SLC27A1: variants seen among roughly 807,000 people sequenced by gnomAD.
The protein encoded by SLC27A1 is solute carrier family 27 member 1.
SLC27A1 carries 61 observed loss-of-function variants against 62.2 expected under a neutral mutation model. The observed-to-expected ratio is 0.98, with a 90% confidence interval of 0.80 to 1.21. The LOEUF (loss-of-function observed/expected upper bound fraction) is 1.21. Among genes scored for constraint, SLC27A1 ranks in the 50% most tolerant of loss-of-function variants. SLC27A1 has a pLI of 0.00. For missense variants in SLC27A1, 903 were observed against 932.1 expected (o/e 0.97, Z 0.41); for synonymous variants, 435 against 408.6 (o/e 1.06, Z -0.78).
chr19:17,482,055 A>G (rs1047496606), intron 1 of SLC27A1, among the ~76,000 whole-genome samples: 1 of 152,058 alleles, frequency 6.6e-6, no homozygotes, highest in African/African-American at 2.4e-5. Flanking sequence ...CTTCGAGATT[A>G]TTTGTAGCAA....
intron 4 of SLC27A1, 49 bp from the exon 5 acceptor site, chr19:17,488,799 G>T: frequency 6.5e-7 from 1 of 1,549,904 alleles, no homozygotes; most frequent in Non-Finnish European, 8.8e-7. Flanking sequence ...TGTACCCTGG[G>T]GGATTTAGGT....
At chr19:17,475,525 ACT>A (rs1002683042) in intron 1 of SLC27A1, among the ~76,000 whole-genome samples, 2 of 151,970 alleles carry the variant, frequency 1.3e-5, no homozygotes, top group Non-Finnish European at 2.9e-5. Flanking sequence ...AGGGAGCAAG[ACT>A]CTGTCTTGAA....
intron 4 of SLC27A1, among the ~76,000 whole-genome samples, chr19:17,487,996 G>A (rs2075255081): frequency 6.6e-6 from 1 of 152,032 alleles, no homozygotes; most frequent in Non-Finnish European, 1.5e-5. Context: ...GCTACAGGAG[G>A]TTTGAAAATC....
intron 2 of SLC27A1, 51 bp downstream of exon 2, chr19:17,487,008 G>T (rs1351341673): frequency 6.5e-7 from 1 of 1,537,564 alleles, no homozygotes; most frequent in East Asian, 2.3e-5. Context: ...ACTGGCCCCT[G>T]GGCGGGCGGG....
upstream of SLC27A1, among the ~76,000 whole-genome samples, chr19:17,469,437 G>C (rs2075051864): frequency 6.6e-6 from 1 of 152,082 alleles, no homozygotes; most frequent in Non-Finnish European, 1.5e-5. Flanking sequence ...CCCCGGGGTA[G>C]AGATCCTGCA....
At chr19:17,482,989 TGAGGGAATGAGTGAAG>T (rs1234212440) in intron 1 of SLC27A1, among the ~76,000 whole-genome samples, 2 of 150,406 alleles carry the variant, frequency 1.3e-5, no homozygotes, top group Non-Finnish European at 2.9e-5. Context: ...AATGAATGAA[TGAGGGAATGAGTGAAG>T]GAGGGAATGA....
intron 1 of SLC27A1, among the ~76,000 whole-genome samples, chr19:17,477,958 C>T: frequency 6.6e-6 from 1 of 152,128 alleles, no homozygotes; most frequent in Non-Finnish European, 1.5e-5. Flanking sequence ...AAATAGTCCC[C>T]CTGTCTTGGC....
chr19:17,485,599 G>A (rs1037210119), intron 1 of SLC27A1, among the ~76,000 whole-genome samples: 5 of 151,886 alleles, frequency 3.3e-5, no homozygotes, highest in African/African-American at 1.2e-4. Context: ...GGAGGCCAGG[G>A]CTGGTGGATT....
rs146832984 is a variant in SLC27A1 at position 17,487,313 on chromosome 19, G to T, written c.702G>T (p.Gln234His). The T allele has an allele frequency of 6.2e-7, 1 of 1,612,432 alleles. No individual in the cohort carries two copies. The highest frequency in any genetic ancestry group is 1.1e-5 in the South Asian group (1 of 90,872). Residue 234 changes from glutamine to histidine, a missense_variant, in exon 3 of 12, where the codon CAG becomes CAT. Gln to His is a conservative substitution (Grantham distance 24, BLOSUM62 0). Transcript: ENST00000252595. ...LKEASTAPLA[Q>H]IPSKGMDDRL... ...AGGCCTCTACTGCCCCCTTGGCACA[G>T]ATCCCCAGCAAGGGCATGGACGGTG...
Position 17,487,232 on chromosome 19 carries a change from C to G in SLC27A1, c.621C>G (p.Asp207Glu). The G allele has an allele frequency of 6.2e-7, 1 of 1,614,116 alleles. No individual in the cohort carries two copies. The highest frequency in any genetic ancestry group is 8.5e-7 in the Non-Finnish European group (1 of 1,179,992). The change falls in exon 3 of 12, where the codon GAC becomes GAG. Residue 207 changes from aspartate to glutamate, a missense_variant. By Grantham distance (45) the Asp-to-Glu change is conservative. Transcript: ENST00000252595. Reference sequence around the variant, plus strand: ...GTTTGATCAAGTTCTGCTCTGGAGACTTGGGGCCCGAGGGCATCTTGCCGG... The same window carrying G: ...GTTTGATCAAGTTCTGCTCTGGAGAGTTGGGGCCCGAGGGCATCTTGCCGG... ...GKSLIKFCSG[D>E]LGPEGILPDT...
In SLC27A1 at chr19:17,493,342, C is replaced by T. The variant is rs576825692; in HGVS notation, c.997-3913C>T. ...ACCCGGGAGGCTGAGGCAGGAGAAT[C>T]GTTTGAACCCGGGAAGTGGAGGTTG... On this transcript the variant is annotated intron_variant, in intron 6 of 11. Transcript: ENST00000252595. 5.0e-4 allele frequency among the ~76,000 whole-genome samples: 69 copies of T among 136,926 alleles called. No individual in the cohort carries two copies. In the South Asian group the frequency reaches 8.1e-3, roughly 16 times the overall value. 89.8% of individuals were successfully genotyped at this position (136,926 alleles called of 152,430 possible). A position where few individuals can be genotyped will look rare whatever the true frequency, so the allele number is the denominator to read the frequency against.
At chr19:17,470,096 G>C (rs893966866), upstream of SLC27A1, among the ~76,000 whole-genome samples, 1 of 152,152 alleles carries the variant, frequency 6.6e-6, no homozygotes, top group Non-Finnish European at 1.5e-5. Flanking sequence ...GGGTAATTCG[G>C]GGATCGAGGA....
Position 17,501,802 on chromosome 19 carries a change from CAA to C in SLC27A1, c.1783+401_1783+402del, listed in dbSNP as rs71162147. Among the ~76,000 whole-genome samples the C allele has an allele frequency of 3.5e-4, 23 of 66,096 alleles. 2 individuals are homozygous for C. Among genetic ancestry groups the C allele is most frequent in the Admixed American group, 3.4e-3 (18 of 5,234 alleles). The allele number at this position is 66,096 out of a possible 152,430, so 43.4% of individuals were successfully genotyped here. On this transcript the variant is annotated intron_variant, in intron 11 of 11. Transcript: ENST00000252595. ...TGGGCGATAGAGTGATACTCTGTCT[CAA>C]AAAAAAAAAAAAAAAAAGAATACCT...
At chr19:17,497,857 T>C in intron 7 of SLC27A1, 2 of 245,960 alleles carry the variant, frequency 8.1e-6, no homozygotes, top group South Asian at 4.0e-5. Flanking sequence ...TCGCCCAGGC[T>C]GGAGTGCAGC....
At chr19:17,474,600 G>A (rs1481118851) in intron 1 of SLC27A1, among the ~76,000 whole-genome samples, 1 of 151,066 alleles carries the variant, frequency 6.6e-6, no homozygotes, top group Non-Finnish European at 1.5e-5. Flanking sequence ...CTCCCTTTGA[G>A]TGTGGGCTGG....
intron 6 of SLC27A1, among the ~76,000 whole-genome samples, chr19:17,494,050 G>A (rs1324847304): frequency 1.3e-4 from 19 of 142,148 alleles, no homozygotes; most frequent in Middle Eastern, 7.6e-3. Context: ...ACGGAGTCTC[G>A]CTCTGTCTCC....
intron 11 of SLC27A1, among the ~76,000 whole-genome samples, chr19:17,502,826 CAGGCAGG>C (rs2075432176): frequency 6.6e-6 from 1 of 151,808 alleles, no homozygotes; most frequent in East Asian, 1.9e-4. Flanking sequence ...GCTAGGACTA[CAGGCAGG>C]CACCACCATG....
At position 17,500,768 on chromosome 19, in the gene SLC27A1, G is replaced by T. The variant is rs1291401151; in HGVS notation, c.1528G>T (p.Asp510Tyr). 2 of 1,613,482 alleles carry T rather than the reference G, an allele frequency of 1.2e-6. No individual in the cohort carries two copies. Among genetic ancestry groups the T allele is most frequent in the Admixed American group, 1.7e-5 (1 of 59,804 alleles). Residue 510 changes from aspartate to tyrosine, a missense_variant, in exon 10 of 12, where the codon GAC becomes TAC. Coordinates refer to ENST00000252595, the MANE Select transcript of SLC27A1 (RefSeq NM_198580.3). ...CATGTACTTCCGGGACCGTAGCGGG[G>T]ACACCTTCCGCTGGCGAGGGGAGAA... ...GYMYFRDRSG[D>Y]TFRWRGENVS...
chr19:17,504,369 G>T, intron 11 of SLC27A1, 86 bp from the exon 12 acceptor site: 1 of 1,507,264 alleles, frequency 6.6e-7, no homozygotes, highest in Non-Finnish European at 9.1e-7. Context: ...CTGTGGGAAG[G>T]TCCAGAGGTG....
Sources: allele counts gnomAD v4.1 joint callset (sites outside exome capture counted in the v4.1 genomes callset), GRCh38; gene constraint gnomAD v4.1.1; transcripts MANE v1.5; gene names NCBI Gene and HGNC (gene_info 2026-07-23, HGNC 2026-07-21).